Variants in RB1CC1 observed in about 807,000 individuals in gnomAD.
RB1CC1 encodes RB1-inducible coiled-coil protein 1.
In RB1CC1, 46 loss-of-function variants were observed where a neutral mutation model predicts 177.5. The observed-to-expected ratio is 0.26, with a 90% CI of 0.20 to 0.33. RB1CC1 has a LOEUF of 0.33. Among genes scored for constraint, RB1CC1 ranks in the 10% least tolerant of loss-of-function variants. The pLI, the probability that RB1CC1 is intolerant of heterozygous loss-of-function variation, is 1.00. For missense variants in RB1CC1, 1,703 were observed against 1,816.3 expected (o/e 0.94, Z 1.13); for synonymous variants, 666 against 613.6 (o/e 1.09, Z -1.26).
chr8:52,674,093 C>T lies in RB1CC1; in HGVS notation c.754G>A (p.Glu252Lys), dbSNP rs140425456. The T allele has an allele frequency of 5.6e-6, 9 of 1,614,084 alleles. No homozygotes were observed. Among genetic ancestry groups the T allele is most frequent in the Non-Finnish European group, 7.6e-6 (9 of 1,180,002 alleles). ...TTGGGAAATGAGGTTAACAAAGATT[C>T]GTTAGTTGTTCTAGGCATATCAGGA... The part of the protein sequence containing the change: ...LSPDMPRTTN[E>K]SLLTSFPKSV... Residue 252 changes from glutamate to lysine, a missense_variant, in exon 7 of 24, where the codon GAA becomes AAA. Transcript: ENST00000025008.
rs1399985534 is a variant in RB1CC1 at position 52,673,873 on chromosome 8, A to G, written c.974T>C (p.Val325Ala). Reference sequence around the variant, plus strand: ...GCTCATAGAATCAAAGCACTTCCTGACCAAAGATTCCACATCATTAGGTCT... The same window carrying G: ...GCTCATAGAATCAAAGCACTTCCTGGCCAAAGATTCCACATCATTAGGTCT... ...QDRPNDVESLVRKCFDSMSRL... is the reference protein window; with the variant it reads ...QDRPNDVESLARKCFDSMSRL... The change falls in exon 7 of 24, where the codon GTC (valine) becomes GCC (alanine). Residue 325 changes from valine (V) to alanine (A), a missense_variant. Physicochemically the swap from Val to Ala is moderately conservative, Grantham distance 64. This residue lies in a region of RB1CC1 where 315 missense variants were observed against 304.9 expected (regional missense o/e 1.03). Transcript: ENST00000025008. 2 of 1,612,042 alleles carry G rather than the reference A, an allele frequency of 1.2e-6. No homozygotes were observed. The highest frequency in any genetic ancestry group is 2.2e-5 in the East Asian group (1 of 44,806).
chr8:52,673,081 C>G (rs1219822688), intron 7 of RB1CC1, among the ~76,000 whole-genome samples: 2 of 152,164 alleles, frequency 1.3e-5, no homozygotes, highest in African/African-American at 4.8e-5. Flanking sequence ...GCATCCCAGA[C>G]AATGTGCTAT....
chr8:52,673,248 C>G (rs2150551655), intron 7 of RB1CC1, among the ~76,000 whole-genome samples: 1 of 152,288 alleles, frequency 6.6e-6, no homozygotes, highest in East Asian at 1.9e-4. Flanking sequence ...AACTTCCTTC[C>G]TGGTGTCAAA....
At chr8:52,655,938 T>G in intron 15 of RB1CC1, 70 bp downstream of exon 15, 5 of 1,204,242 alleles carry the variant, frequency 4.2e-6, no homozygotes, top group Non-Finnish European at 5.8e-6. Context: ...TAAATCAAGG[T>G]ACTGTGATTA....
rs1279504569 is a variant in RB1CC1, at chr8:52,655,918, G to C, written c.3821+90C>G. 2.9e-6 allele frequency: 3 copies of C among 1,047,350 alleles called. No homozygotes were observed. In the African/African-American group the frequency reaches 4.8e-5, roughly 17 times the overall value. 64.9% of individuals were successfully genotyped at this position (1,047,350 alleles called of 1,614,324 possible). On this transcript the variant is annotated intron_variant, in intron 15 of 23. Coordinates refer to ENST00000025008, the MANE Select transcript of RB1CC1 (RefSeq NM_014781.5). ...TACCCTAGTTGCTACATTTACCCAAGGTAAATGAGTAAATCAAGGTACTGT... is the reference window on the plus strand; with the variant it reads ...TACCCTAGTTGCTACATTTACCCAACGTAAATGAGTAAATCAAGGTACTGT...
At chr8:52,696,245 T>C (rs923836709) in intron 1 of RB1CC1, among the ~76,000 whole-genome samples, 2 of 151,768 alleles carry the variant, frequency 1.3e-5, no homozygotes, top group African/African-American at 4.8e-5. Context: ...AGTTTCTCCA[T>C]GTTGGCCAGG....
At chr8:52,665,340 TCTTA>T (rs1295742539) in intron 8 of RB1CC1, among the ~76,000 whole-genome samples, 4 of 152,172 alleles carry the variant, frequency 2.6e-5, no homozygotes, top group Admixed American at 2.0e-4. Context: ...AAATTACTCT[TCTTA>T]CTTACTGGAA....
At chr8:52,635,967 A>C (rs887400932) in intron 19 of RB1CC1, 48 bp downstream of exon 19, 3 of 1,591,948 alleles carry the variant, frequency 1.9e-6, no homozygotes, top group African/African-American at 2.7e-5. Flanking sequence ...AACTGTATCC[A>C]AAAGTGAACA....
intron 15 of RB1CC1, among the ~76,000 whole-genome samples, chr8:52,648,509 C>T (rs766694352): frequency 6.6e-6 from 1 of 152,114 alleles, no homozygotes; most frequent in Admixed American, 6.6e-5. Context: ...GAGCAAGAAG[C>T]TGTGTAGAGG....
intron 3 of RB1CC1, 78 bp downstream of exon 3, chr8:52,685,321 T>C: frequency 8.7e-7 from 1 of 1,144,466 alleles, no homozygotes. Context: ...TCCTACTTTT[T>C]AAACAGTAGA....
At chr8:52,704,496 A>C (rs1198991589) in intron 1 of RB1CC1, among the ~76,000 whole-genome samples, 2 of 151,462 alleles carry the variant, frequency 1.3e-5, no homozygotes, top group African/African-American at 4.8e-5. Context: ...ATGTAAAATC[A>C]AGTTCCAACT....
chr8:52,633,865 G>A (rs1257023056), intron 20 of RB1CC1, among the ~76,000 whole-genome samples: 1 of 152,192 alleles, frequency 6.6e-6, no homozygotes, highest in Non-Finnish European at 1.5e-5. Context: ...GAGGCAGGCG[G>A]ATCGCTTAAG....
At chr8:52,661,961 A>G (rs1230467689) in intron 8 of RB1CC1, among the ~76,000 whole-genome samples, 4 of 152,218 alleles carry the variant, frequency 2.6e-5, no homozygotes, top group African/African-American at 9.6e-5. Flanking sequence ...CTAGAAAGAT[A>G]AAGCCCCTTA....
At chr8:52,712,689 G>T (rs1857160698) in intron 1 of RB1CC1, among the ~76,000 whole-genome samples, 1 of 152,050 alleles carries the variant, frequency 6.6e-6, no homozygotes, top group African/African-American at 2.4e-5. Context: ...ATCAACAGAG[G>T]TTTCTCAACG....
chr8:52,641,830 T>A (rs932323409), intron 18 of RB1CC1, among the ~76,000 whole-genome samples: 1 of 152,138 alleles, frequency 6.6e-6, no homozygotes, highest in Non-Finnish European at 1.5e-5. Context: ...CCCATAGATA[T>A]AATTGTAAGC....
intron 1 of RB1CC1, among the ~76,000 whole-genome samples, chr8:52,699,526 C>T (rs190232864): frequency 1.3e-5 from 2 of 151,362 alleles, no homozygotes; most frequent in East Asian, 2.0e-4. Context: ...TATAAAAATA[C>T]AGCCGGGCAT....
chr8:52,661,950 G>C (rs1851673778), intron 8 of RB1CC1, among the ~76,000 whole-genome samples: 1 of 151,840 alleles, frequency 6.6e-6, no homozygotes, highest in Non-Finnish European at 1.5e-5. Context: ...GAAAATAAAG[G>C]CTAGAAAGAT....
intron 1 of RB1CC1, among the ~76,000 whole-genome samples, chr8:52,704,742 TTAAG>T (rs909148372): frequency 6.6e-6 from 1 of 152,162 alleles, no homozygotes; most frequent in Admixed American, 6.5e-5. Context: ...CATGTAATTG[TTAAG>T]TAAGGTACAA....
At position 52,693,047 on chromosome 8, in the gene RB1CC1, G is replaced by A. The variant is rs368300994; in HGVS notation, c.-166-6080C>T. Among the ~76,000 whole-genome samples, 654 of 152,286 alleles carry A rather than the reference G, an allele frequency of 4.3e-3. 4 individuals carry two copies. The highest frequency in any genetic ancestry group is 7.9e-3 in the Non-Finnish European group (534 of 68,018). On this transcript the variant is annotated intron_variant, in intron 1 of 23. Coordinates refer to ENST00000025008, the MANE Select transcript of RB1CC1 (RefSeq NM_014781.5). ...GAAAGGATTCCCTATTTAATAAACG[G>A]TGCTTGGAGTCTTGGCTAGCCATAT...
Sources: gnomAD v4.1 joint callset for allele counts (sites outside exome capture counted in the v4.1 genomes callset) on GRCh38, gnomAD v4.1.1 for gene constraint, gnomAD v4.1.1 regional missense constraint, MANE v1.5 for transcripts, NCBI Gene and HGNC (gene_info 2026-07-23, HGNC 2026-07-21) for gene names.